The following CA10 variants were observed in gnomAD, a reference collection of about 807,000 sequenced individuals.
CA10 encodes carbonic anhydrase 10 (inactive).
Under a neutral mutation model 44.2 loss-of-function variants are expected in CA10, and 14 were observed. The observed-to-expected ratio is 0.32, with a 90% CI of 0.21 to 0.50. CA10 has a LOEUF of 0.50. CA10 is among the 20% of genes least tolerant of loss of function. The pLI, the probability that CA10 is intolerant of heterozygous loss-of-function variation, is 0.99. For synonymous variants in CA10, 159 were observed against 141.6 expected (o/e 1.12, Z -0.87); for missense variants, 350 against 409.7 (o/e 0.85, Z 1.26).
At chr17:51,924,870 A>T (rs188033725) in intron 3 of CA10, among the ~76,000 whole-genome samples, 1 of 152,284 alleles carries the variant, frequency 6.6e-6, no homozygotes, top group Non-Finnish European at 1.5e-5. Flanking sequence ...ACTCTCCCTG[A>T]TATAATCCCC....
intron 2 of CA10, among the ~76,000 whole-genome samples, chr17:52,035,318 A>T (rs1253451622): frequency 6.6e-6 from 1 of 151,966 alleles, no homozygotes; most frequent in Admixed American, 6.6e-5. Flanking sequence ...CTGGCCAGAG[A>T]TGGCTAGACT....
chr17:51,777,269 T>C (rs1268324867), intron 3 of CA10, among the ~76,000 whole-genome samples: 1 of 152,190 alleles, frequency 6.6e-6, no homozygotes, highest in African/African-American at 2.4e-5. Context: ...CAAGTGGTGA[T>C]ATTGAGTTGG....
intron 3 of CA10, among the ~76,000 whole-genome samples, chr17:51,751,151 G>A (rs931818936): frequency 1.3e-5 from 2 of 152,146 alleles, no homozygotes; most frequent in African/African-American, 4.8e-5. Flanking sequence ...AAATGACAAA[G>A]TCCCTTCTTA....
chr17:52,078,744 G>A lies in CA10; in HGVS notation c.62-6351C>T, dbSNP rs144363243. On this transcript the variant is annotated intron_variant, in intron 1 of 8. Coordinates refer to ENST00000451037, the MANE Select transcript of CA10 (RefSeq NM_020178.5). ...AGGAACATTGAGAAGTGCATGGATC[G>A]TCAGAAGAAACATAAATGACTGCCC... Among the ~76,000 whole-genome samples, 737 of 152,262 alleles carry A rather than the reference G, an allele frequency of 4.8e-3. 4 individuals carry two copies. The highest frequency in any genetic ancestry group is 0.016 in the African/African-American group (682 of 41,524).
At chr17:52,019,985 GT>G (rs1436819732) in intron 2 of CA10, among the ~76,000 whole-genome samples, 4 of 151,610 alleles carry the variant, frequency 2.6e-5, no homozygotes, top group Non-Finnish European at 5.9e-5. Context: ...TATATCAGTT[GT>G]TGAGAATTGT....
chr17:51,949,088 CTATT>C (rs1211672454), intron 2 of CA10, among the ~76,000 whole-genome samples: 1 of 152,064 alleles, frequency 6.6e-6, no homozygotes, highest in African/African-American at 2.4e-5. Context: ...TTTGTTATTC[CTATT>C]TAAATAACTT....
At chr17:51,854,024 C>T (rs1318578482) in intron 3 of CA10, among the ~76,000 whole-genome samples, 1 of 152,188 alleles carries the variant, frequency 6.6e-6, no homozygotes, top group Non-Finnish European at 1.5e-5. Context: ...TACAGGCATG[C>T]TTTATGACTC....
At chr17:51,680,459 A>G (rs932892901) in intron 4 of CA10, among the ~76,000 whole-genome samples, 3 of 152,216 alleles carry the variant, frequency 2.0e-5, no homozygotes, top group Non-Finnish European at 4.4e-5. Context: ...TGTATGGTGG[A>G]CTACATGTGT....
At chr17:51,731,963 G>T (rs1260400936) in intron 4 of CA10, among the ~76,000 whole-genome samples, 1 of 152,134 alleles carries the variant, frequency 6.6e-6, no homozygotes, top group Non-Finnish European at 1.5e-5. Context: ...GCCAGATCCA[G>T]TGCTAAGGTT....
intron 4 of CA10, among the ~76,000 whole-genome samples, chr17:51,671,502 T>A (rs539167115): frequency 1.3e-5 from 2 of 152,300 alleles, no homozygotes; most frequent in East Asian, 3.9e-4. Flanking sequence ...CCTCCCGGGT[T>A]CACGCCGTTC....
intron 4 of CA10, among the ~76,000 whole-genome samples, chr17:51,671,733 C>T (rs1316376972): frequency 1.3e-5 from 2 of 152,198 alleles, no homozygotes; most frequent in Non-Finnish European, 2.9e-5. Context: ...TGCGGTTTGT[C>T]TCTACCAGGA....
chr17:51,957,930 T>TC (rs1983728303), intron 2 of CA10, among the ~76,000 whole-genome samples: 1 of 151,990 alleles, frequency 6.6e-6, no homozygotes, highest in Non-Finnish European at 1.5e-5. Context: ...GAATCATCCC[T>TC]CCCTTGTGTA....
intron 3 of CA10, among the ~76,000 whole-genome samples, chr17:51,758,399 G>A (rs149699457): frequency 1.8e-4 from 28 of 152,346 alleles, no homozygotes; most frequent in African/African-American, 6.7e-4. Flanking sequence ...AAGACACAGA[G>A]AACAGGTGTG....
chr17:51,633,732 C>G, intron 7 of CA10, 82 bp from the exon 8 acceptor site: 1 of 1,469,072 alleles, frequency 6.8e-7, no homozygotes, highest in Non-Finnish European at 9.3e-7. Context: ...AGACTCTGGC[C>G]AAGCTAGGTG....
intron 3 of CA10, among the ~76,000 whole-genome samples, chr17:51,869,501 A>G (rs150219387): frequency 6.6e-6 from 1 of 152,312 alleles, no homozygotes; most frequent in East Asian, 1.9e-4. Flanking sequence ...ACAGCAGTAA[A>G]CTTAACAGGA....
At chr17:52,126,286 A>G (rs1989117840) in intron 1 of CA10, among the ~76,000 whole-genome samples, 1 of 152,228 alleles carries the variant, frequency 6.6e-6, no homozygotes, top group Non-Finnish European at 1.5e-5. Flanking sequence ...GAAAGAATAG[A>G]AATGCATTTT....
chr17:51,797,841 G>A (rs9897644), intron 3 of CA10, among the ~76,000 whole-genome samples: 3,322 of 105,526 alleles, frequency 0.031, 139 homozygotes, highest in African/African-American at 0.11. Flanking sequence ...ACAGAGCAAG[G>A]CTCCATCTCA....
chr17:51,690,752 T>A (rs1413030079), intron 4 of CA10, among the ~76,000 whole-genome samples: 1 of 152,206 alleles, frequency 6.6e-6, no homozygotes, highest in Non-Finnish European at 1.5e-5. Flanking sequence ...AACCTCTTTT[T>A]CTTTATAAAT....
chr17:52,098,854 T>C (rs1988468291), intron 1 of CA10, among the ~76,000 whole-genome samples: 1 of 152,128 alleles, frequency 6.6e-6, no homozygotes, highest in Non-Finnish European at 1.5e-5. Context: ...CTAAGACACA[T>C]CTTTACAATG....
Sources: allele counts gnomAD v4.1 joint callset (sites outside exome capture counted in the v4.1 genomes callset), GRCh38; gene constraint gnomAD v4.1.1; transcripts MANE v1.5; gene names NCBI Gene and HGNC (gene_info 2026-07-23, HGNC 2026-07-21).